Variants in FNDC3A observed in about 807,000 individuals in gnomAD.
The protein encoded by FNDC3A is fibronectin type-III domain-containing protein 3A.
FNDC3A carries 32 observed loss-of-function variants against 148.9 expected under a neutral mutation model. The ratio of observed to expected loss-of-function variants is 0.21; its 90% confidence interval spans 0.16 to 0.29. The LOEUF is 0.29. Among genes scored for constraint, FNDC3A ranks in the 10% least tolerant of loss-of-function variants. The pLI is 1.00. For missense variants in FNDC3A, 1,191 were observed against 1,452.8 expected (o/e 0.82, Z 2.93); for synonymous variants, 472 against 473.6 (o/e 1.00, Z 0.04).
intron 2 of FNDC3A, among the ~76,000 whole-genome samples, chr13:49,027,373 G>C (rs559883688): frequency 6.6e-6 from 1 of 152,274 alleles, no homozygotes; most frequent in Admixed American, 6.5e-5. Context: ...CTTACATTCA[G>C]TAGGAATGTT....
intron 2 of FNDC3A, among the ~76,000 whole-genome samples, chr13:49,070,306 T>C (rs1453100471): frequency 1.3e-5 from 2 of 152,070 alleles, no homozygotes; most frequent in Non-Finnish European, 2.9e-5. Flanking sequence ...TAATAAGTAG[T>C]GTTAAAATTT....
chr13:49,057,168 C>T (rs886725921), intron 2 of FNDC3A, among the ~76,000 whole-genome samples: 1 of 152,108 alleles, frequency 6.6e-6, no homozygotes, highest in African/African-American at 2.4e-5. Context: ...GATTTAGTCC[C>T]CAGATTCATT....
chr13:49,149,718 G>T (rs767296278), intron 8 of FNDC3A, among the ~76,000 whole-genome samples: 16 of 152,184 alleles, frequency 1.1e-4, no homozygotes, highest in Non-Finnish European at 1.9e-4. Flanking sequence ...GAATGAGTTA[G>T]AGAGAATTCC....
At chr13:49,161,664 A>G (rs890463482) in intron 8 of FNDC3A, among the ~76,000 whole-genome samples, 1 of 152,104 alleles carries the variant, frequency 6.6e-6, no homozygotes, top group African/African-American at 2.4e-5. Context: ...TTAGCCGGTT[A>G]TTTTGCCCAT....
Position 49,147,215 on chromosome 13 carries a change from T to G in FNDC3A, c.977+1280T>G, listed in dbSNP as rs367822089. Among the ~76,000 whole-genome samples the G allele has an allele frequency of 3.3e-5, 5 of 152,290 alleles. No homozygotes were observed. In the East Asian group the frequency reaches 5.8e-4, roughly 18 times the overall value. ...TTTCTTACTATGTTAATGACTGTTT[T>G]TTAGTTATATATGGCTGCTTACTAA... On this transcript the variant is annotated intron_variant, in intron 8 of 25. Transcript: ENST00000492622.
chr13:49,040,866 T>A (rs1874869742), intron 2 of FNDC3A, among the ~76,000 whole-genome samples: 1 of 152,222 alleles, frequency 6.6e-6, no homozygotes, highest in African/African-American at 2.4e-5. Flanking sequence ...ATTTTTGTAG[T>A]CATTTCATTT....
At position 48,998,009 on chromosome 13, in the gene FNDC3A, G is replaced by A. The variant is rs112312362; in HGVS notation, c.-39-8143G>A. ...TGGAGAGAAAGCCTCCATCTTCAAG[G>A]AGGACACATAAATAATCATGAACAG... On this transcript the variant is annotated intron_variant, in intron 1 of 25. Transcript: ENST00000492622. 6.9e-3 allele frequency among the ~76,000 whole-genome samples: 1,049 copies of A among 152,046 alleles called. 7 individuals are homozygous for A. Among genetic ancestry groups the A allele is most frequent in the Non-Finnish European group, 0.011 (722 of 67,984 alleles).
chr13:49,003,048 G>T lies in FNDC3A; in HGVS notation c.-39-3104G>T, dbSNP rs1250878065. Among the ~76,000 whole-genome samples, 4 of 152,044 alleles carry T rather than the reference G, an allele frequency of 2.6e-5. No individual in the cohort carries two copies. The East Asian group carries it at 7.7e-4, about 29-fold the overall frequency. On this transcript the variant is annotated intron_variant, in intron 1 of 25. Coordinates refer to ENST00000492622, the MANE Select transcript of FNDC3A (RefSeq NM_001079673.2). ...ACTTCATTACCACTTGATATTGTCAGTCTTTTTCATTTCATTTTCCACTTT... is the reference window on the plus strand; with the variant it reads ...ACTTCATTACCACTTGATATTGTCATTCTTTTTCATTTCATTTTCCACTTT...
intron 2 of FNDC3A, among the ~76,000 whole-genome samples, chr13:49,060,363 G>A (rs1328874912): frequency 1.3e-5 from 2 of 152,176 alleles, no homozygotes; most frequent in Admixed American, 6.5e-5. Context: ...GAAATGCTGA[G>A]GCGGGGCTGG....
intron 2 of FNDC3A, among the ~76,000 whole-genome samples, chr13:49,020,066 T>A (rs545435053): frequency 6.6e-6 from 1 of 152,222 alleles, no homozygotes; most frequent in Non-Finnish European, 1.5e-5. Context: ...ATATTTGTTA[T>A]GTAAGTGGTA....
intron 3 of FNDC3A, among the ~76,000 whole-genome samples, chr13:49,114,203 G>T (rs1446805841): frequency 6.6e-6 from 1 of 151,938 alleles, no homozygotes; most frequent in Non-Finnish European, 1.5e-5. Context: ...TTTTGTCCCT[G>T]TAACTTTTGA....
chr13:49,146,625 T>C (rs1883011077), intron 8 of FNDC3A: 1 of 152,172 alleles, frequency 6.6e-6, no homozygotes, highest in African/African-American at 2.4e-5. Context: ...TAGTCCCAGC[T>C]ACTTAGGACG....
At chr13:49,106,579 G>C (rs956074284) in intron 3 of FNDC3A, among the ~76,000 whole-genome samples, 4 of 152,090 alleles carry the variant, frequency 2.6e-5, no homozygotes, top group African/African-American at 9.7e-5. Flanking sequence ...CCAAAGTGCC[G>C]GCATTACAGG....
intron 4 of FNDC3A, among the ~76,000 whole-genome samples, chr13:49,116,785 C>CA (rs55711716): frequency 0.79 from 110,500 of 140,294 alleles, 44,807 homozygotes; most frequent in East Asian, 0.94. Flanking sequence ...GACTCCGTCT[C>CA]AAAAAAAAAA....
chr13:49,021,865 C>G (rs940324789), intron 2 of FNDC3A, among the ~76,000 whole-genome samples: 2 of 152,010 alleles, frequency 1.3e-5, no homozygotes, highest in Non-Finnish European at 2.9e-5. Context: ...CTATGTAATA[C>G]AACATTTTTT....
At position 49,138,819 on chromosome 13, in the gene FNDC3A, GTATTT is replaced by G; in HGVS notation, c.819+19_819+23del. On this transcript the variant is annotated intron_variant, in intron 7 of 25. Transcript: ENST00000492622. ...GTCAAACCAGTGGTAAGTATCTTAT[GTATTT>G]TATTGATGTTTATATTTAATATATT... The G allele has an allele frequency of 7.3e-7, 1 of 1,361,494 alleles. No individual in the cohort carries two copies. The highest frequency in any genetic ancestry group is 1.0e-6 in the Non-Finnish European group (1 of 977,062). 84.3% of individuals were successfully genotyped at this position (1,361,494 alleles called of 1,614,324 possible). A position where few individuals can be genotyped will look rare whatever the true frequency, so the allele number is the denominator to read the frequency against.
intron 3 of FNDC3A, among the ~76,000 whole-genome samples, chr13:49,108,312 G>C (rs887281694): frequency 6.6e-6 from 1 of 152,164 alleles, no homozygotes. Flanking sequence ...ATTGAGAAGG[G>C]GTAGAGGGTT....
rs1460946590 is a variant in FNDC3A at position 49,073,704 on chromosome 13, AAT to A, written c.100-1578_100-1577del. Among the ~76,000 whole-genome samples, 15 of 144,232 alleles carry A rather than the reference AAT, an allele frequency of 1.0e-4. No individual in the cohort carries two copies. In the Admixed American group the frequency reaches 1.0e-3, roughly 10 times the overall value. 94.6% of individuals were successfully genotyped at this position (144,232 alleles called of 152,430 possible). A position where few individuals can be genotyped will look rare whatever the true frequency, so the allele number is the denominator to read the frequency against. ...ATATATAAAATATATATGTATATATAATATATATGTGTATATATAATATATAT... is the reference window on the plus strand; with the variant it reads ...ATATATAAAATATATATGTATATATAATATATGTGTATATATAATATATAT... On this transcript the variant is annotated intron_variant, in intron 2 of 25. Transcript: ENST00000492622.
At chr13:49,163,179 A>T (rs1248226702) in intron 8 of FNDC3A, among the ~76,000 whole-genome samples, 4 of 152,162 alleles carry the variant, frequency 2.6e-5, no homozygotes, top group African/African-American at 7.2e-5. Context: ...TCAGACAGGA[A>T]CGTTGAAGTC....
Sources: gnomAD v4.1 joint callset for allele counts (sites outside exome capture counted in the v4.1 genomes callset) on GRCh38, gnomAD v4.1.1 for gene constraint, MANE v1.5 for transcripts, NCBI Gene and HGNC (gene_info 2026-07-23, HGNC 2026-07-21) for gene names.